Variants in UCK2 observed in about 807,000 individuals in gnomAD.
UCK2 encodes the protein uridine-cytidine kinase 2.
UCK2 carries 6 observed loss-of-function variants against 30.8 expected under a neutral mutation model. The observed-to-expected ratio is 0.19, with a 90% CI of 0.11 to 0.38. The LOEUF (loss-of-function observed/expected upper bound fraction) is 0.38, where lower values mean the gene tolerates loss of function less well. Ranked by LOEUF, UCK2 falls within the 10% of genes least tolerant of loss-of-function variation. UCK2 has a pLI of 1.00. For missense variants in UCK2, 210 were observed against 339.8 expected (o/e 0.62, Z 3.00); for synonymous variants, 125 against 133.6 (o/e 0.94, Z 0.45).
chr1:165,836,939 G>A (rs941282441), intron 1 of UCK2, among the ~76,000 whole-genome samples: 2 of 152,120 alleles, frequency 1.3e-5, no homozygotes, highest in Non-Finnish European at 2.9e-5. Context: ...TGGTCATCCC[G>A]TCCTGGAAGG....
chr1:165,856,929 G>A (rs976192888), intron 1 of UCK2, among the ~76,000 whole-genome samples: 10 of 138,358 alleles, frequency 7.2e-5, no homozygotes, highest in South Asian at 2.3e-4. Context: ...TTACTTTTGC[G>A]AACATGTTGA....
At chr1:165,887,507 ATT>A (rs766102557) in intron 1 of UCK2, among the ~76,000 whole-genome samples, 1 of 152,194 alleles carries the variant, frequency 6.6e-6, no homozygotes, top group Non-Finnish European at 1.5e-5. Flanking sequence ...CATTAAAAAC[ATT>A]TTATGGGTTT....
intron 1 of UCK2, among the ~76,000 whole-genome samples, chr1:165,835,954 C>T (rs919659308): frequency 7.9e-5 from 12 of 152,280 alleles, no homozygotes; most frequent in Non-Finnish European, 1.6e-4. Flanking sequence ...TACTGCCGGG[C>T]GCGGTGGCTC....
chr1:165,880,559 TTTTGGGGGTGTGTGTGTGTG>T (rs1305690166), intron 1 of UCK2, among the ~76,000 whole-genome samples: 4 of 86,096 alleles, frequency 4.6e-5, no homozygotes, highest in Admixed American at 1.2e-4. Flanking sequence ...ATTCAGTTTT[TTTTGGGGGTGTGTGTGTGTG>T]TGTGTGTGTG....
At chr1:165,847,231 C>A (rs1256557423) in intron 1 of UCK2, among the ~76,000 whole-genome samples, 2 of 152,126 alleles carry the variant, frequency 1.3e-5, no homozygotes, top group African/African-American at 4.8e-5. Flanking sequence ...CAATTTTCCT[C>A]ATCAATAAAA....
intron 1 of UCK2, among the ~76,000 whole-genome samples, chr1:165,839,882 T>C (rs1000331180): frequency 6.6e-6 from 1 of 152,246 alleles, no homozygotes; most frequent in African/African-American, 2.4e-5. Context: ...ATTCATGTTC[T>C]GTGCAGATGT....
At chr1:165,869,036 A>C (rs566600891) in intron 1 of UCK2, among the ~76,000 whole-genome samples, 1 of 152,340 alleles carries the variant, frequency 6.6e-6, no homozygotes, top group African/African-American at 2.4e-5. Context: ...GCAGGAAATC[A>C]TAGGGAGGCC....
intron 1 of UCK2, among the ~76,000 whole-genome samples, chr1:165,844,083 A>G (rs1557833636): frequency 6.6e-6 from 1 of 152,170 alleles, no homozygotes; most frequent in Non-Finnish European, 1.5e-5. Flanking sequence ...CCCAATTTCA[A>G]CATGGGAAGA....
chr1:165,904,589 G>A (rs1647588622), intron 5 of UCK2, among the ~76,000 whole-genome samples: 1 of 152,174 alleles, frequency 6.6e-6, no homozygotes, highest in African/African-American at 2.4e-5. Context: ...TTCTGCAGAC[G>A]TTTTCTGGGT....
intron 1 of UCK2, among the ~76,000 whole-genome samples, chr1:165,846,395 T>G (rs1261578199): frequency 1.3e-5 from 2 of 152,206 alleles, no homozygotes; most frequent in African/African-American, 4.8e-5. Context: ...TGTGGTCTTT[T>G]CCTAGTTTCT....
chr1:165,830,573 C>T (rs1261578258), intron 1 of UCK2, among the ~76,000 whole-genome samples: 2 of 151,938 alleles, frequency 1.3e-5, no homozygotes, highest in Non-Finnish European at 2.9e-5. Context: ...GATCCGCCCG[C>T]CTCGGCCTCC....
intron 1 of UCK2, among the ~76,000 whole-genome samples, chr1:165,849,256 T>C (rs1654530950): frequency 6.6e-6 from 1 of 152,192 alleles, no homozygotes; most frequent in Non-Finnish European, 1.5e-5. Flanking sequence ...GTTGTGGTTT[T>C]GTGGATCTCA....
chr1:165,902,916 A>G, intron 4 of UCK2: 1 of 286,476 alleles, frequency 3.5e-6, no homozygotes, highest in South Asian at 7.6e-5. Context: ...TGCTTGAAAC[A>G]AGAAGGCTGT....
intron 1 of UCK2, among the ~76,000 whole-genome samples, chr1:165,887,004 C>G (rs1466551176): frequency 6.6e-6 from 1 of 152,172 alleles, no homozygotes; most frequent in East Asian, 1.9e-4. Flanking sequence ...TATCTCCTTC[C>G]TGATAAAGGG....
At position 165,843,047 on chromosome 1, in the gene UCK2, G is replaced by T. The variant is rs116755215; in HGVS notation, c.99+15115G>T. 3.2e-3 allele frequency among the ~76,000 whole-genome samples: 493 copies of T among 152,188 alleles called. 3 individuals are homozygous for T. Among genetic ancestry groups the T allele is most frequent in the African/African-American group, 0.011 (471 of 41,540 alleles). Reference sequence around the variant, plus strand: ...TGTCACTTCCCCTAGGAAGTGTTCTGTCAGTTGACTGCAATCTGAATTGAG... The same window carrying T: ...TGTCACTTCCCCTAGGAAGTGTTCTTTCAGTTGACTGCAATCTGAATTGAG... On this transcript the variant is annotated intron_variant, in intron 1 of 6. Coordinates refer to ENST00000367879, the MANE Select transcript of UCK2 (RefSeq NM_012474.5).
chr1:165,859,359 C>T (rs915346025), intron 1 of UCK2, among the ~76,000 whole-genome samples: 8 of 152,150 alleles, frequency 5.3e-5, no homozygotes, highest in African/African-American at 7.2e-5. Context: ...GTTGGAGACT[C>T]GCTGCTGGTC....
At chr1:165,905,409 A>G (rs920778295) in intron 5 of UCK2, among the ~76,000 whole-genome samples, 11 of 152,166 alleles carry the variant, frequency 7.2e-5, no homozygotes, top group Non-Finnish European at 1.6e-4. Flanking sequence ...TCCCCAACTC[A>G]GGAAGTCAAG....
At chr1:165,886,860 A>C (rs183145325) in intron 1 of UCK2, among the ~76,000 whole-genome samples, 4 of 152,318 alleles carry the variant, frequency 2.6e-5, no homozygotes, top group Admixed American at 2.6e-4. Flanking sequence ...CCCTATGTAC[A>C]TGTCAGCCAG....
chr1:165,897,512 AG>A (rs1028271147), intron 4 of UCK2, among the ~76,000 whole-genome samples: 3 of 151,944 alleles, frequency 2.0e-5, no homozygotes, highest in African/African-American at 4.8e-5. Context: ...AGAAGGTTTG[AG>A]TCTCCGTTGT....
Sources: allele counts gnomAD v4.1 joint callset (sites outside exome capture counted in the v4.1 genomes callset), GRCh38; gene constraint gnomAD v4.1.1; transcripts MANE v1.5; gene names NCBI Gene and HGNC (gene_info 2026-07-23, HGNC 2026-07-21).